KIRREL3: variants seen among roughly 807,000 people sequenced by gnomAD.
KIRREL3 encodes the protein kin of IRRE-like protein 3.
KIRREL3 carries 36 observed loss-of-function variants against 89.7 expected under a neutral mutation model. That is an observed-to-expected ratio of 0.40 (90% CI 0.31 to 0.53). The LOEUF is 0.53. KIRREL3 is among the 20% of genes least tolerant of loss of function. The probability of loss-of-function intolerance (pLI) is 0.49; values close to 1 mark genes in which losing one functional copy is unlikely to be tolerated. For synonymous variants in KIRREL3, 445 were observed against 441.4 expected, an observed-to-expected ratio of 1.01 and a Z score of -0.10; for missense variants, 864 against 1,056.6, an observed-to-expected ratio of 0.82 and a Z score of 2.53.
chr11:126,732,566 G>A (rs1439637893), intron 1 of KIRREL3, among the ~76,000 whole-genome samples: 1 of 152,226 alleles, frequency 6.6e-6, no homozygotes, highest in Non-Finnish European at 1.5e-5. Context: ...CTTGTCTCGG[G>A]AAAGTGTAGT....
At position 126,441,849 on chromosome 11, in the gene KIRREL3, G is replaced by A. The variant is rs143109713; in HGVS notation, c.1253-1300C>T. ...CCCTCCATGGCTTTAAGAATGGGCT[G>A]AGCGCTGCCCTCCTTCCTAAAAATC... On this transcript the variant is annotated intron_variant, in intron 10 of 16. Coordinates refer to ENST00000525144, the MANE Select transcript of KIRREL3 (RefSeq NM_032531.4). This position sits in a 1 kb window ranked among gnomAD's most constrained non-coding sequence, Gnocchi z 5.0. Among the ~76,000 whole-genome samples, 494 of 152,298 alleles carry A rather than the reference G, an allele frequency of 3.2e-3. 5 individuals carry two copies. Among genetic ancestry groups the A allele is most frequent in the African/African-American group, 0.011 (466 of 41,566 alleles).
Position 126,687,898 on chromosome 11 carries a change from G to C in KIRREL3, c.56-124986C>G, listed in dbSNP as rs1408898073. Among the ~76,000 whole-genome samples, 4 of 152,238 alleles carry C rather than the reference G, an allele frequency of 2.6e-5. No homozygotes were observed. Among genetic ancestry groups the C allele is most frequent in the African/African-American group, 9.6e-5 (4 of 41,454 alleles). The stretch of plus-strand genomic sequence containing the variant: ...GCCAGCGAGGGAGAAAGCCCTCCTA[G>C]GCCCGAAGCAGCAAAAGAAAGCATC... On this transcript the variant is annotated intron_variant, in intron 1 of 16. Transcript: ENST00000525144. The surrounding 1 kb of genome is among the most constrained non-coding windows in gnomAD (Gnocchi z 4.6).
chr11:126,603,263 A>G (rs1468246240), intron 1 of KIRREL3, among the ~76,000 whole-genome samples: 3 of 152,204 alleles, frequency 2.0e-5, no homozygotes, highest in Admixed American at 1.3e-4. Flanking sequence ...TGGGCAGGCA[A>G]GTGGGGGCTC....
At chr11:126,711,294 A>G (rs1334914866) in intron 1 of KIRREL3, among the ~76,000 whole-genome samples, 1 of 152,242 alleles carries the variant, frequency 6.6e-6, no homozygotes, top group African/African-American at 2.4e-5. Flanking sequence ...AATTTATTAT[A>G]TAAGCCTGTA....
rs761693388 is a variant in KIRREL3 at position 126,551,197 on chromosome 11, G to A, written c.133+11638C>T. Among the ~76,000 whole-genome samples, 15 of 152,176 alleles carry A rather than the reference G, an allele frequency of 9.9e-5. No individual in the cohort carries two copies. The highest frequency in any genetic ancestry group is 1.9e-4 in the Non-Finnish European group (13 of 68,026). ...TCCAGGAAGCTTTACATGCTCAGCT[G>A]CCCAGAAGCTCCCGAAACTCAGTCC... On this transcript the variant is annotated intron_variant, in intron 2 of 16. Transcript: ENST00000525144. The surrounding 1 kb of genome is among the most constrained non-coding windows in gnomAD (Gnocchi z 4.9).
chr11:126,604,746 T>G (rs1942816438), intron 1 of KIRREL3, among the ~76,000 whole-genome samples: 1 of 152,126 alleles, frequency 6.6e-6, no homozygotes, highest in South Asian at 2.1e-4. Context: ...GTGTCTGAGC[T>G]TTGCCAGGTG....
In KIRREL3 at chr11:126,915,104, C is replaced by T. The variant is rs563941894; in HGVS notation, c.55+85351G>A. Among the ~76,000 whole-genome samples, 5 of 152,284 alleles carry T rather than the reference C, an allele frequency of 3.3e-5. No individual in the cohort carries two copies. The South Asian group carries it at 1.0e-3, about 32-fold the overall frequency. On this transcript the variant is annotated intron_variant, in intron 1 of 16. Coordinates refer to ENST00000525144, the MANE Select transcript of KIRREL3 (RefSeq NM_032531.4). ...ATGATTACACCATATTGGAGTTCAC[C>T]AGGCATCTCAAATACTTTGGGTTTG...
At chr11:126,631,603 C>A (rs1319034041) in intron 1 of KIRREL3, among the ~76,000 whole-genome samples, 2 of 152,182 alleles carry the variant, frequency 1.3e-5, no homozygotes, top group Admixed American at 6.5e-5. Context: ...GCAGGCAAGA[C>A]CAATTCACCC....
At position 126,802,752 on chromosome 11, in the gene KIRREL3, G is replaced by A. The variant is rs1250236498; in HGVS notation, c.55+197703C>T. On this transcript the variant is annotated intron_variant, in intron 1 of 16. Coordinates refer to ENST00000525144, the MANE Select transcript of KIRREL3 (RefSeq NM_032531.4). The surrounding 1 kb of genome is among the most constrained non-coding windows in gnomAD (Gnocchi z 5.2). ...TTAAATCAATCTTTCTTAAATGTATGTATAGATCTTTTTCAAAATGCTTAA... is the reference window on the plus strand; with the variant it reads ...TTAAATCAATCTTTCTTAAATGTATATATAGATCTTTTTCAAAATGCTTAA... 6.6e-6 allele frequency among the ~76,000 whole-genome samples: 1 copy of A among 152,186 alleles called. No homozygotes were observed. The highest frequency in any genetic ancestry group is 1.5e-5 in the Non-Finnish European group (1 of 68,032).
intron 4 of KIRREL3, among the ~76,000 whole-genome samples, chr11:126,483,198 T>G (rs1285354528): frequency 3.3e-5 from 5 of 152,180 alleles, no homozygotes; most frequent in Non-Finnish European, 5.9e-5. Context: ...GTTCTTCTGG[T>G]TTGTTACCAT....
chr11:126,442,260 C>CA (rs35542298), intron 10 of KIRREL3, among the ~76,000 whole-genome samples: 1,216 of 70,460 alleles, frequency 0.017, 132 homozygotes, highest in African/African-American at 0.063. Flanking sequence ...GACTCCAGCT[C>CA]AAAAAAAAAA....
rs1485917843 is a variant in KIRREL3 at position 126,432,817 on chromosome 11, C to T, written c.1589-1291G>A. Among the ~76,000 whole-genome samples, 1 of 152,152 alleles carries T rather than the reference C, an allele frequency of 6.6e-6. No homozygotes were observed. The highest frequency in any genetic ancestry group is 1.5e-5 in the Non-Finnish European group (1 of 68,022). On this transcript the variant is annotated intron_variant, in intron 13 of 16. Coordinates refer to ENST00000525144, the MANE Select transcript of KIRREL3 (RefSeq NM_032531.4). The surrounding 1 kb of genome is among the most constrained non-coding windows in gnomAD (Gnocchi z 6.2). ...GTGGGCAGAGGCCTTGGAGCAGAGC[C>T]TGGCACCCAGCCCTGTTTGGTGTTT...
At chr11:126,457,829 G>A (rs1283902993) in intron 6 of KIRREL3, among the ~76,000 whole-genome samples, 2 of 152,162 alleles carry the variant, frequency 1.3e-5, no homozygotes, top group Non-Finnish European at 2.9e-5. Flanking sequence ...ACGAGGAAAA[G>A]AGATATGAAG....
Position 126,468,548 on chromosome 11 carries a change from A to G in KIRREL3, c.591+4761T>C, listed in dbSNP as rs535887127. On this transcript the variant is annotated intron_variant, in intron 5 of 16. Transcript: ENST00000525144. ...CTGGGGAAGGGGCCTGGTGCCCTCC[A>G]GGGCTGAGGCTCATCCCTCCCCTAC... is the stretch of plus-strand genomic sequence containing the variant. Among the ~76,000 whole-genome samples, 88 of 152,316 alleles carry G rather than the reference A, an allele frequency of 5.8e-4. No individual in the cohort carries two copies. In the South Asian group the frequency reaches 0.017, roughly 29 times the overall value.
intron 1 of KIRREL3, among the ~76,000 whole-genome samples, chr11:126,945,544 T>C (rs529045172): frequency 6.6e-6 from 1 of 152,338 alleles, no homozygotes; most frequent in Admixed American, 6.5e-5. Flanking sequence ...TCCCCCAGGC[T>C]GTGGGGAAAC....
At chr11:126,889,476 A>AT (rs1945824807) in intron 1 of KIRREL3, among the ~76,000 whole-genome samples, 1 of 152,066 alleles carries the variant, frequency 6.6e-6, no homozygotes, top group Admixed American at 6.6e-5. Context: ...ATGTCCAATG[A>AT]TTTTTTAAAA....
chr11:126,881,383 A>T lies in KIRREL3; in HGVS notation c.55+119072T>A, dbSNP rs540043872. Among the ~76,000 whole-genome samples the T allele has an allele frequency of 6.3e-4, 94 of 149,924 alleles. 1 individual carries two copies. The highest frequency in any genetic ancestry group is 2.9e-4 in the Non-Finnish European group (20 of 67,826). Reference sequence around the variant, plus strand: ...AACGGGCTGGCATTGTGAAAACTCAATTCAGACCAGGTCTCCCAGCCAACT... The same window carrying T: ...AACGGGCTGGCATTGTGAAAACTCATTTCAGACCAGGTCTCCCAGCCAACT... On this transcript the variant is annotated intron_variant, in intron 1 of 16. Transcript: ENST00000525144.
At chr11:126,894,208 C>T (rs540278550) in intron 1 of KIRREL3, among the ~76,000 whole-genome samples, 1 of 152,284 alleles carries the variant, frequency 6.6e-6, no homozygotes, top group East Asian at 1.9e-4. Flanking sequence ...GAGGGGAATA[C>T]ACGCAAAGTA....
chr11:126,570,411 C>T lies in KIRREL3; in HGVS notation c.56-7499G>A, dbSNP rs756893693. Reference sequence around the variant, plus strand: ...CTGAAACAGCTGTGGTCTTAAATTACGTTTTTGAAATAATGAGTTCTATAA... The same window carrying T: ...CTGAAACAGCTGTGGTCTTAAATTATGTTTTTGAAATAATGAGTTCTATAA... On this transcript the variant is annotated intron_variant, in intron 1 of 16. Transcript: ENST00000525144. This position sits in a 1 kb window ranked among gnomAD's most constrained non-coding sequence, Gnocchi z 6.1. 5.9e-5 allele frequency among the ~76,000 whole-genome samples: 9 copies of T among 152,156 alleles called. No homozygotes were observed. The highest frequency in any genetic ancestry group is 1.0e-4 in the Non-Finnish European group (7 of 68,036).
Sources: gnomAD v4.1 joint callset for allele counts (sites outside exome capture counted in the v4.1 genomes callset) on GRCh38, gnomAD v4.1.1 for gene constraint, Gnocchi (gnomAD v3.1) non-coding constraint, MANE v1.5 for transcripts, NCBI Gene and HGNC (gene_info 2026-07-23, HGNC 2026-07-21) for gene names.